The following DIAPH3 variants were observed in gnomAD, a reference collection of about 807,000 sequenced individuals.
DIAPH3 encodes the protein protein diaphanous homolog 3.
Under a neutral mutation model 144.3 loss-of-function variants are expected in DIAPH3, and 117 were observed. The ratio of observed to expected loss-of-function variants is 0.81; its 90% confidence interval spans 0.70 to 0.95. The LOEUF is 0.95. DIAPH3 is among the 40% of genes least tolerant of loss of function. The pLI, the probability that DIAPH3 is intolerant of heterozygous loss-of-function variation, is 0.00. For synonymous variants in DIAPH3, 519 were observed against 488.9 expected (o/e 1.06, Z -0.81); for missense variants, 1,421 against 1,412.7 (o/e 1.01, Z -0.09).
At chr13:60,006,704 A>C (rs1017500420) in intron 9 of DIAPH3, among the ~76,000 whole-genome samples, 1 of 152,172 alleles carries the variant, frequency 6.6e-6, no homozygotes. Context: ...GAGACAAGAA[A>C]GCAAGAGAAA....
chr13:59,754,010 C>T (rs2037141245), intron 27 of DIAPH3, among the ~76,000 whole-genome samples: 1 of 152,126 alleles, frequency 6.6e-6, no homozygotes, highest in African/African-American at 2.4e-5. Flanking sequence ...GACACCTTCA[C>T]TTTTTAGCTA....
chr13:59,746,995 A>T (rs1015939521), intron 27 of DIAPH3, among the ~76,000 whole-genome samples: 1 of 152,230 alleles, frequency 6.6e-6, no homozygotes, highest in Admixed American at 6.5e-5. Flanking sequence ...TTATGAATAT[A>T]TAATTACTTG....
rs58372882 is a variant in DIAPH3, at chr13:59,697,459, CAAAAAAAAAAAAAAA to C, written c.3320-30628_3320-30614del. 2.2e-4 allele frequency among the ~76,000 whole-genome samples: 7 copies of C among 31,164 alleles called. No homozygotes were observed. The South Asian group carries it at 5.4e-3, about 24-fold the overall frequency. The allele number at this position is 31,164 out of a possible 152,430, so 20.4% of individuals were successfully genotyped here. ...TGGGCGACAGAGCGAGACACTGTCTCAAAAAAAAAAAAAAAAAAAAAAAAAAAAAAAAAAGAAGAG... is the reference window on the plus strand; with the variant it reads ...TGGGCGACAGAGCGAGACACTGTCTCAAAAAAAAAAAAAAAAAAAGAAGAG... On this transcript the variant is annotated intron_variant, in intron 27 of 27. Coordinates refer to ENST00000400324, the MANE Select transcript of DIAPH3 (RefSeq NM_001042517.2).
intron 27 of DIAPH3, among the ~76,000 whole-genome samples, chr13:59,733,864 A>G (rs2036009818): frequency 6.6e-6 from 1 of 152,226 alleles, no homozygotes; most frequent in African/African-American, 2.4e-5. Flanking sequence ...AGTGAATACC[A>G]ACCAATGAGT....
In DIAPH3 at chr13:59,952,599, C is replaced by T. The variant is rs562565083; in HGVS notation, c.2074+17345G>A. ...GGAAAAAAAAGGTGAATCATTTTAGCATCTAGGTCCTGAACCTATTCCACT... is the reference window on the plus strand; with the variant it reads ...GGAAAAAAAAGGTGAATCATTTTAGTATCTAGGTCCTGAACCTATTCCACT... On this transcript the variant is annotated intron_variant, in intron 17 of 27. Coordinates refer to ENST00000400324, the MANE Select transcript of DIAPH3 (RefSeq NM_001042517.2). 2.0e-5 allele frequency among the ~76,000 whole-genome samples: 3 copies of T among 152,250 alleles called. No individual in the cohort carries two copies. In the East Asian group the frequency reaches 5.8e-4, roughly 29 times the overall value.
chr13:60,072,286 T>C (rs559599134), intron 4 of DIAPH3, among the ~76,000 whole-genome samples: 2 of 152,336 alleles, frequency 1.3e-5, no homozygotes, highest in Admixed American at 1.3e-4. Context: ...GATGTAGATA[T>C]GCTTGTAGCA....
chr13:60,142,104 C>T (rs1384726743), intron 1 of DIAPH3, among the ~76,000 whole-genome samples: 3 of 152,230 alleles, frequency 2.0e-5, no homozygotes, highest in African/African-American at 7.2e-5. Flanking sequence ...AGTCCCAGAC[C>T]ATTTCAAAGA....
chr13:59,782,304 G>T (rs1048699289), intron 25 of DIAPH3, among the ~76,000 whole-genome samples: 5 of 152,160 alleles, frequency 3.3e-5, no homozygotes, highest in Admixed American at 3.3e-4. Context: ...AGGTGGATTA[G>T]TGGTGAGAGG....
intron 27 of DIAPH3, among the ~76,000 whole-genome samples, chr13:59,732,641 C>G (rs749483314): frequency 4.0e-5 from 6 of 151,860 alleles, no homozygotes; most frequent in Non-Finnish European, 7.4e-5. Flanking sequence ...CAGGGTTTCA[C>G]CACATTGCCC....
At chr13:60,004,722 C>T (rs1247438620) in intron 9 of DIAPH3, among the ~76,000 whole-genome samples, 1 of 152,072 alleles carries the variant, frequency 6.6e-6, no homozygotes, top group Non-Finnish European at 1.5e-5. Context: ...AAAAATTAAG[C>T]TCTAAGAACT....
At chr13:59,885,003 G>C (rs1370840562) in intron 20 of DIAPH3, among the ~76,000 whole-genome samples, 2 of 152,144 alleles carry the variant, frequency 1.3e-5, no homozygotes, top group African/African-American at 4.8e-5. Flanking sequence ...AGGCTAAAAT[G>C]TATATTCCTC....
intron 17 of DIAPH3, among the ~76,000 whole-genome samples, chr13:59,962,556 G>A (rs1459530829): frequency 6.6e-6 from 1 of 152,132 alleles, no homozygotes; most frequent in East Asian, 1.9e-4. Flanking sequence ...GGCTGAGCCT[G>A]GCACAAGTAG....
chr13:59,999,621 A>G (rs2052407154), intron 9 of DIAPH3, among the ~76,000 whole-genome samples: 1 of 152,168 alleles, frequency 6.6e-6, no homozygotes, highest in Admixed American at 6.5e-5. Flanking sequence ...CACAGCAAGT[A>G]TACTAAAATA....
intron 1 of DIAPH3, among the ~76,000 whole-genome samples, chr13:60,160,778 C>T (rs1952254167): frequency 6.6e-6 from 1 of 152,124 alleles, no homozygotes; most frequent in South Asian, 2.1e-4. Flanking sequence ...CAAATGAGAC[C>T]AAGTTGGTTA....
At chr13:60,008,164 C>A (rs1403012243) in intron 9 of DIAPH3, among the ~76,000 whole-genome samples, 5 of 151,972 alleles carry the variant, frequency 3.3e-5, no homozygotes, top group African/African-American at 1.2e-4. Flanking sequence ...GAGGCCGACG[C>A]GGGTAGATCA....
At chr13:59,950,918 G>T (rs538736883) in intron 17 of DIAPH3, among the ~76,000 whole-genome samples, 1 of 151,980 alleles carries the variant, frequency 6.6e-6, no homozygotes, top group Admixed American at 6.6e-5. Context: ...TAAATTCTAC[G>T]ATGAAATTGA....
intron 27 of DIAPH3, among the ~76,000 whole-genome samples, chr13:59,737,825 T>C (rs1213998041): frequency 6.6e-6 from 1 of 151,946 alleles, no homozygotes; most frequent in Non-Finnish European, 1.5e-5. Flanking sequence ...ACATTCTAAG[T>C]TTAGTTGCCA....
intron 27 of DIAPH3, among the ~76,000 whole-genome samples, chr13:59,680,743 A>G (rs143976955): frequency 0.012 from 1,782 of 152,230 alleles, 31 homozygotes; most frequent in African/African-American, 0.041. Flanking sequence ...CTATTATGGT[A>G]AAATAATAAT....
intron 9 of DIAPH3, among the ~76,000 whole-genome samples, chr13:59,995,878 C>T (rs2052157759): frequency 6.6e-6 from 1 of 151,876 alleles, no homozygotes; most frequent in South Asian, 2.1e-4. Context: ...GATGGAATCA[C>T]GACAGTATAG....
Sources: gnomAD v4.1 joint callset for allele counts (sites outside exome capture counted in the v4.1 genomes callset) on GRCh38, gnomAD v4.1.1 for gene constraint, MANE v1.5 for transcripts, NCBI Gene and HGNC (gene_info 2026-07-23, HGNC 2026-07-21) for gene names.